The following ASAP1 variants were observed in gnomAD, a reference collection of about 807,000 sequenced individuals.
The protein encoded by ASAP1 is ArfGAP with SH3 domain, ankyrin repeat and PH domain 1.
A neutral mutation model predicts 145.2 loss-of-function variants in ASAP1; 43 were observed. That is an observed-to-expected ratio of 0.30 (90% CI 0.23 to 0.38). The LOEUF (loss-of-function observed/expected upper bound fraction) is 0.38. Among genes scored for constraint, ASAP1 ranks in the 10% least tolerant of loss-of-function variants. ASAP1 has a pLI of 1.00. For missense variants in ASAP1, 1,018 were observed against 1,355.3 expected, an observed-to-expected ratio of 0.75 and a Z score of 3.91; for synonymous variants, 546 against 515.5, an observed-to-expected ratio of 1.06 and a Z score of -0.80.
chr8:130,197,348 G>A (rs1484727439), intron 5 of ASAP1, among the ~76,000 whole-genome samples: 1 of 152,244 alleles, frequency 6.6e-6, no homozygotes, highest in East Asian at 1.9e-4. Context: ...AGGATTGCCT[G>A]AGCCCAGGAG....
chr8:130,095,288 C>G (rs1437800289), intron 24 of ASAP1, among the ~76,000 whole-genome samples: 1 of 145,186 alleles, frequency 6.9e-6, no homozygotes, highest in Non-Finnish European at 1.5e-5. Context: ...TCTTTTTAGG[C>G]CAGTGATTTT....
At chr8:130,347,813 T>C (rs1825784974) in intron 3 of ASAP1, among the ~76,000 whole-genome samples, 1 of 152,172 alleles carries the variant, frequency 6.6e-6, no homozygotes, top group Admixed American at 6.5e-5. Flanking sequence ...GCTGCCTTCA[T>C]CTACCATTTG....
chr8:130,134,464 G>T (rs1219274779), intron 14 of ASAP1, 120 bp from the exon 15 acceptor site: 2 of 538,136 alleles, frequency 3.7e-6, no homozygotes, highest in Admixed American at 4.0e-5. Context: ...TATTATTTTA[G>T]TTTTACGCCA....
intron 5 of ASAP1, among the ~76,000 whole-genome samples, chr8:130,194,668 C>G (rs1164481209): frequency 1.3e-5 from 2 of 151,952 alleles, no homozygotes; most frequent in African/African-American, 2.4e-5. Context: ...CTCAGATCAC[C>G]AGGCATTAGA....
chr8:130,137,266 G>A (rs911241495), intron 13 of ASAP1, among the ~76,000 whole-genome samples: 6 of 152,144 alleles, frequency 3.9e-5, no homozygotes, highest in Admixed American at 2.0e-4. Context: ...GTTTAGTAAA[G>A]TTTTATTTAT....
At chr8:130,141,907 G>A (rs1409152074) in intron 13 of ASAP1, among the ~76,000 whole-genome samples, 1 of 151,460 alleles carries the variant, frequency 6.6e-6, no homozygotes, top group East Asian at 1.9e-4. Context: ...TTGTAGAGAT[G>A]GGATCTTGGT....
chr8:130,104,028 T>C (rs75818274), intron 24 of ASAP1, among the ~76,000 whole-genome samples: 4,170 of 152,216 alleles, frequency 0.027, 70 homozygotes, highest in African/African-American at 0.045. Context: ...TTCTCTACCA[T>C]ACATTACAGC....
intron 25 of ASAP1, among the ~76,000 whole-genome samples, chr8:130,090,204 AATTT>A (rs1431939006): frequency 2.0e-5 from 3 of 152,226 alleles, no homozygotes; most frequent in Non-Finnish European, 4.4e-5. Context: ...AAATTTGGTA[AATTT>A]ATTTGAGGAA....
At chr8:130,359,241 G>C (rs983678488) in intron 2 of ASAP1, among the ~76,000 whole-genome samples, 1 of 152,136 alleles carries the variant, frequency 6.6e-6, no homozygotes, top group Non-Finnish European at 1.5e-5. Flanking sequence ...GGAAAGCCGA[G>C]GGTCAGGGAA....
At position 130,314,091 on chromosome 8, in the gene ASAP1, C is replaced by CAA. The variant is rs542004588; in HGVS notation, c.186+43924_186+43925dup. ...ATGAAAGTCTAGAATGCGTCACCTT[C>CAA]AATTTGGTCAGAAAAGGCCATTTTT... On this transcript the variant is annotated intron_variant, in intron 3 of 29. Coordinates refer to ENST00000518721, the MANE Select transcript of ASAP1 (RefSeq NM_018482.4). Among the ~76,000 whole-genome samples the CAA allele has an allele frequency of 2.0e-4, 31 of 152,288 alleles. 1 individual carries two copies. In the South Asian group the frequency reaches 4.4e-3, roughly 21 times the overall value.
rs2097623918 is a variant in ASAP1, at chr8:130,144,907, G to C, written c.1080+7829C>G. Among the ~76,000 whole-genome samples, 2 of 152,066 alleles carry C rather than the reference G, an allele frequency of 1.3e-5. 1 individual carries two copies. The highest frequency in any genetic ancestry group is 4.1e-4 in the South Asian group (2 of 4,824). ...TGTGAGAAAGAAATATTTGAAAATG[G>C]AGATCTCCAAGAAAATGTTTTTTAT... is the stretch of plus-strand genomic sequence containing the variant. On this transcript the variant is annotated intron_variant, in intron 13 of 29. Transcript: ENST00000518721.
At chr8:130,160,695 T>C in intron 11 of ASAP1, 1 of 877,940 alleles carries the variant, frequency 1.1e-6, no homozygotes, top group Non-Finnish European at 1.5e-6. Flanking sequence ...ATGTAAGAAA[T>C]AAAATCAACA....
At chr8:130,357,217 G>A (rs1306680769) in intron 3 of ASAP1, among the ~76,000 whole-genome samples, 1 of 148,530 alleles carries the variant, frequency 6.7e-6, no homozygotes, top group Non-Finnish European at 1.5e-5. Flanking sequence ...CCCCCCACCA[G>A]CAACGCTTTC....
intron 3 of ASAP1, among the ~76,000 whole-genome samples, chr8:130,256,742 TATA>T (rs1819548074): frequency 1.2e-4 from 3 of 24,372 alleles, no homozygotes; most frequent in African/African-American, 4.6e-4. Context: ...CACATTCTTA[TATA>T]TATATATATA....
At chr8:130,070,916 G>A (rs1263438188) in intron 27 of ASAP1, among the ~76,000 whole-genome samples, 26 of 22,944 alleles carry the variant, frequency 1.1e-3, no homozygotes, top group Admixed American at 2.7e-3. Context: ...AGAGAGAGGG[G>A]GAGAGAGAGG....
At chr8:130,212,822 C>T (rs542452290) in intron 5 of ASAP1, among the ~76,000 whole-genome samples, 34 of 152,286 alleles carry the variant, frequency 2.2e-4, no homozygotes, top group African/African-American at 7.9e-4. Flanking sequence ...GAACCTGCAG[C>T]GTAGCAAACC....
rs77356925 is a variant in ASAP1, at chr8:130,375,455, G to A, written c.60-17312C>T. On this transcript the variant is annotated intron_variant, in intron 2 of 29. Transcript: ENST00000518721. ...CATGCCTGTAATCCCAGCAATTGGA[G>A]AGGCTGAGGCTGAAGGACTGCTTGA... Among the ~76,000 whole-genome samples, 298 of 152,028 alleles carry A rather than the reference G, an allele frequency of 2.0e-3. 6 individuals are homozygous for A. The East Asian group carries it at 0.035, about 18-fold the overall frequency.
At chr8:130,344,310 C>A (rs1825569800) in intron 3 of ASAP1, among the ~76,000 whole-genome samples, 1 of 151,926 alleles carries the variant, frequency 6.6e-6, no homozygotes, top group Non-Finnish European at 1.5e-5. Context: ...GAAATTTGAA[C>A]AGCGACTGAA....
chr8:130,212,030 T>G (rs545696426), intron 5 of ASAP1, among the ~76,000 whole-genome samples: 6 of 152,046 alleles, frequency 3.9e-5, no homozygotes, highest in African/African-American at 1.2e-4. Context: ...TCGGGGTGAG[T>G]TGGCTTTCTG....
Sources: allele counts gnomAD v4.1 joint callset (sites outside exome capture counted in the v4.1 genomes callset), GRCh38; gene constraint gnomAD v4.1.1; transcripts MANE v1.5; gene names NCBI Gene and HGNC (gene_info 2026-07-23, HGNC 2026-07-21).